Variants in ZDHHC15 observed in about 807,000 individuals in gnomAD.
The protein encoded by ZDHHC15 is palmitoyltransferase ZDHHC15.
In ZDHHC15, 19 loss-of-function variants were observed where a neutral mutation model predicts 31.7. That is an observed-to-expected ratio of 0.60 (90% confidence interval 0.42 to 0.88). The LOEUF is 0.88. ZDHHC15 is among the 40% of genes least tolerant of loss of function. The pLI, the probability that ZDHHC15 is intolerant of heterozygous loss-of-function variation, is 0.00. For synonymous variants in ZDHHC15, 103 were observed against 90.0 expected (o/e 1.14, Z -0.82); for missense variants, 209 against 251.2 (o/e 0.83, Z 1.14).
At chrX:75,493,221 A>T (rs1378404548) in intron 2 of ZDHHC15, among the ~76,000 whole-genome samples, 1 of 111,912 alleles carries the variant, frequency 8.9e-6, no homozygotes. Context: ...CATCCTCCCA[A>T]GACTAAACCA....
intron 10 of ZDHHC15, chrX:75,384,242 C>A (rs1174682359): frequency 8.2e-6 from 4 of 488,278 alleles, no homozygotes; most frequent in African/African-American, 2.4e-5. Context: ...GTGAAGAATA[C>A]ACTGGTAAAA....
chrX:75,424,889 G>T, intron 7 of ZDHHC15, 105 bp from the exon 8 acceptor site: 1 of 874,203 alleles, frequency 1.1e-6, no homozygotes, highest in Non-Finnish European at 1.5e-6. Flanking sequence ...GTGTCTAGCT[G>T]TAATTTAAAA....
At chrX:75,431,382 A>G (rs1602612128) in intron 5 of ZDHHC15, 69 bp downstream of exon 5, 1 of 1,007,395 alleles carries the variant, frequency 9.9e-7, no homozygotes, top group East Asian at 3.1e-5. Flanking sequence ...TGTTAGGATC[A>G]GTCATTTTGT....
chrX:75,444,681 TATATATACACAC>T (rs1465256059), intron 4 of ZDHHC15, among the ~76,000 whole-genome samples: 39 of 39,720 alleles, frequency 9.8e-4, no homozygotes, highest in African/African-American at 3.1e-3. Flanking sequence ...TATATATATA[TATATATACACAC>T]ACACACACAC....
rs1007980262 is a variant in ZDHHC15, at chrX:75,378,135, T to C, written c.*32+985A>G. 4.5e-5 allele frequency among the ~76,000 whole-genome samples: 5 copies of C among 111,993 alleles called. No homozygotes were observed. The Admixed American group carries it at 4.7e-4, about 11-fold the overall frequency. On this transcript the variant is annotated intron_variant, in intron 11 of 11. Coordinates refer to ENST00000373367, the MANE Select transcript of ZDHHC15 (RefSeq NM_144969.3). ...CACAAATAACTCAGATTTTGAAATG[T>C]AGTGCCATGGTGGAAATAGCATGCT...
At position 75,419,780 on chromosome X, in the gene ZDHHC15, T is replaced by A. The variant is rs768125004; in HGVS notation, c.863+2084A>T. 2.9e-4 allele frequency among the ~76,000 whole-genome samples: 31 copies of A among 108,436 alleles called. No individual in the cohort carries two copies. The East Asian group carries it at 8.4e-3, about 29-fold the overall frequency. The allele number at this position is 108,436 out of a possible 115,157, so 94.2% of individuals were successfully genotyped here. On this transcript the variant is annotated intron_variant, in intron 9 of 11. Transcript: ENST00000373367. ...AATACTATGCAGTCATAAAAAATGA[T>A]GAGTTCATGTCCTTTGTAGGGACAT...
Position 75,510,710 on chromosome X carries a change from A to G in ZDHHC15, c.137-4863T>C, listed in dbSNP as rs1413389454. On this transcript the variant is annotated intron_variant, in intron 1 of 11. Transcript: ENST00000373367. Reference sequence around the variant, plus strand: ...CATCTAGCATTAGGTATATCTCCCAATGCTATCCCTCCCCCATCCCCCGAC... The same window carrying G: ...CATCTAGCATTAGGTATATCTCCCAGTGCTATCCCTCCCCCATCCCCCGAC... Among the ~76,000 whole-genome samples, 7 of 78,811 alleles carry G rather than the reference A, an allele frequency of 8.9e-5. No homozygotes were observed. The East Asian group carries it at 2.1e-3, about 24-fold the overall frequency. 68.4% of individuals were successfully genotyped at this position (78,811 alleles called of 115,157 possible). A position where few individuals can be genotyped will look rare whatever the true frequency, so the allele number is the denominator to read the frequency against.
intron 2 of ZDHHC15, among the ~76,000 whole-genome samples, chrX:75,492,221 G>T (rs2084909351): frequency 9.0e-6 from 1 of 111,643 alleles, no homozygotes; most frequent in Admixed American, 9.5e-5. Context: ...AATTCAATAA[G>T]AAGAGCTAAC....
In ZDHHC15 at chrX:75,413,157, T is replaced by C. The variant is rs764695647; in HGVS notation, c.967+3930A>G. ...TATGTATTTGTATTTCAAAATATCA[T>C]GTTGTACATCTTAAATTTTTACAAT... is the stretch of plus-strand genomic sequence containing the variant. On this transcript the variant is annotated intron_variant, in intron 10 of 11. Transcript: ENST00000373367. Among the ~76,000 whole-genome samples, 8 of 112,545 alleles carry C rather than the reference T, an allele frequency of 7.1e-5. No individual in the cohort carries two copies. In the South Asian group the frequency reaches 2.2e-3, roughly 31 times the overall value.
chrX:75,436,330 C>T (rs751009766), intron 4 of ZDHHC15, among the ~76,000 whole-genome samples: 4 of 111,603 alleles, frequency 3.6e-5, no homozygotes, highest in African/African-American at 1.3e-4. Context: ...GTTTCAATTT[C>T]ATTTAGTTCT....
At position 75,452,688 on chromosome X, in the gene ZDHHC15, C is replaced by T. The variant is rs1323556077; in HGVS notation, c.259-1766G>A. On this transcript the variant is annotated intron_variant, in intron 3 of 11. Transcript: ENST00000373367. ...GAACAGAAATCATAACAAACTGTCT[C>T]TCTGACCACAGTTCAATCAAATTAG... 8.0e-5 allele frequency among the ~76,000 whole-genome samples: 9 copies of T among 112,135 alleles called. No individual in the cohort carries two copies. In the East Asian group the frequency reaches 2.2e-3, roughly 28 times the overall value.
intron 1 of ZDHHC15, among the ~76,000 whole-genome samples, chrX:75,506,482 T>G (rs2085166641): frequency 8.9e-6 from 1 of 112,080 alleles, no homozygotes; most frequent in African/African-American, 3.2e-5. Context: ...TTCATGATTA[T>G]TTGAATGGAT....
rs182882613 is a variant in ZDHHC15 at position 75,384,322 on chromosome X, G to A, written c.968-5124C>T. On this transcript the variant is annotated intron_variant, in intron 10 of 11. Transcript: ENST00000373367. Reference sequence around the variant, plus strand: ...GGTAAATGCCCTTTTGGCTGGAACCGCCATCTTCCAGTAATTCGCCAAAAT... The same window carrying A: ...GGTAAATGCCCTTTTGGCTGGAACCACCATCTTCCAGTAATTCGCCAAAAT... 2.8e-4 allele frequency: 208 copies of A among 741,838 alleles called. No homozygotes were observed. In the African/African-American group the frequency reaches 3.7e-3, roughly 13 times the overall value. The allele number at this position is 741,838 out of a possible 1,213,427, so 61.1% of individuals were successfully genotyped here.
At chrX:75,493,727 C>G (rs1348191728) in intron 2 of ZDHHC15, among the ~76,000 whole-genome samples, 1 of 112,112 alleles carries the variant, frequency 8.9e-6, no homozygotes, top group Non-Finnish European at 1.9e-5. Context: ...TGACAAAATT[C>G]AACAGCCCTT....
chrX:75,460,678 G>T (rs887100635), intron 3 of ZDHHC15, among the ~76,000 whole-genome samples: 29 of 110,624 alleles, frequency 2.6e-4, no homozygotes, highest in African/African-American at 9.2e-4. Context: ...GAGTAGACCT[G>T]CAGCAAACCA....
Position 75,473,967 on chromosome X carries a change from T to A in ZDHHC15, c.258+4924A>T, listed in dbSNP as rs1413958190. Reference sequence around the variant, plus strand: ...GATAGTTGTATCATGTCAGGCATAATTATGACCTTATTATTGTCTTGATTT... The same window carrying A: ...GATAGTTGTATCATGTCAGGCATAAATATGACCTTATTATTGTCTTGATTT... On this transcript the variant is annotated intron_variant, in intron 3 of 11. Transcript: ENST00000373367. Among the ~76,000 whole-genome samples, 3 of 111,564 alleles carry A rather than the reference T, an allele frequency of 2.7e-5. No homozygotes were observed. In the South Asian group the frequency reaches 1.1e-3, roughly 42 times the overall value.
In ZDHHC15 at chrX:75,371,365, C is replaced by G. The variant is rs2083004638; in HGVS notation, c.*1613G>C. 1 of 111,877 alleles carries G rather than the reference C, an allele frequency of 8.9e-6. No individual in the cohort carries two copies. Among genetic ancestry groups the G allele is most frequent in the Non-Finnish European group, 1.9e-5 (1 of 53,202 alleles). 9.2% of individuals were successfully genotyped at this position (111,877 alleles called of 1,213,427 possible). A position where few individuals can be genotyped will look rare whatever the true frequency, so the allele number is the denominator to read the frequency against. The stretch of plus-strand genomic sequence containing the variant: ...TTAGCTTCTGAGTTTGAGAAAGTCA[C>G]TAGCCCTAATAAGTGTAGTCATGTC... On this transcript the variant is annotated 3_prime_UTR_variant, in exon 12 of 12. Transcript: ENST00000373367.
intron 10 of ZDHHC15, among the ~76,000 whole-genome samples, chrX:75,385,780 T>TA (rs2083172975): frequency 9.0e-6 from 1 of 111,668 alleles, no homozygotes; most frequent in Non-Finnish European, 1.9e-5. Context: ...AAATTCTACT[T>TA]ATCTAAAGCC....
Position 75,372,690 on chromosome X carries a change from AG to A in ZDHHC15, c.*287del, listed in dbSNP as rs1012477949. ...GAATGAAAAGATATATTTTACATTT[AG>A]GCTTTCATGGATTGGGGGAGGGGAA... On this transcript the variant is annotated 3_prime_UTR_variant, in exon 12 of 12. Coordinates refer to ENST00000373367, the MANE Select transcript of ZDHHC15 (RefSeq NM_144969.3). The A allele has an allele frequency of 4.5e-5, 5 of 111,748 alleles. No homozygotes were observed. The highest frequency in any genetic ancestry group is 1.6e-4 in the African/African-American group (5 of 30,779). The allele number at this position is 111,748 out of a possible 1,213,427, so 9.2% of individuals were successfully genotyped here. A position where few individuals can be genotyped will look rare whatever the true frequency, so the allele number is the denominator to read the frequency against.
Sources: allele counts gnomAD v4.1 joint callset (sites outside exome capture counted in the v4.1 genomes callset), GRCh38; gene constraint gnomAD v4.1.1; transcripts MANE v1.5; gene names NCBI Gene and HGNC (gene_info 2026-07-23, HGNC 2026-07-21).